COL25A1: variants seen among roughly 807,000 people sequenced by gnomAD.
The protein encoded by COL25A1 is collagen alpha-1(XXV) chain.
In COL25A1, 103 loss-of-function variants were observed where a neutral mutation model predicts 128.4. That is an observed-to-expected ratio of 0.80 (90% CI 0.68 to 0.94). COL25A1 has a LOEUF of 0.94. Ranked by LOEUF, COL25A1 falls within the 40% of genes least tolerant of loss-of-function variation. The probability of loss-of-function intolerance (pLI) is 0.00; values close to 1 mark genes in which losing one functional copy is unlikely to be tolerated. For synonymous variants in COL25A1, 279 were observed against 277.2 expected (o/e 1.01, Z -0.06); for missense variants, 745 against 840.0 (o/e 0.89, Z 1.40).
chr4:108,998,081 C>A (rs543564317), intron 6 of COL25A1, among the ~76,000 whole-genome samples: 4 of 152,314 alleles, frequency 2.6e-5, no homozygotes, highest in Admixed American at 1.3e-4. Flanking sequence ...AGAATGCCCC[C>A]TCTCACCATT....
intron 19 of COL25A1, among the ~76,000 whole-genome samples, chr4:108,877,074 C>G (rs908540408): frequency 3.3e-5 from 5 of 152,162 alleles, no homozygotes; most frequent in Admixed American, 1.3e-4. Context: ...GTAGGCCTGA[C>G]AGTAAACTGC....
chr4:109,268,781 C>T (rs1781966827), intron 3 of COL25A1, among the ~76,000 whole-genome samples: 1 of 152,114 alleles, frequency 6.6e-6, no homozygotes, highest in African/African-American at 2.4e-5. Flanking sequence ...GCTGGCTCAA[C>T]AGAAGAACAA....
intron 3 of COL25A1, among the ~76,000 whole-genome samples, chr4:109,127,674 A>G (rs2126063548): frequency 6.6e-6 from 1 of 152,140 alleles, no homozygotes; most frequent in South Asian, 2.1e-4. Flanking sequence ...GTAAAGGAGA[A>G]AAAAAAGAAG....
At chr4:109,134,683 C>T (rs997972718) in intron 3 of COL25A1, among the ~76,000 whole-genome samples, 7 of 151,910 alleles carry the variant, frequency 4.6e-5, no homozygotes, top group African/African-American at 1.2e-4. Flanking sequence ...CAGGAACCCA[C>T]GATTATTGTA....
intron 3 of COL25A1, among the ~76,000 whole-genome samples, chr4:109,218,966 T>C (rs1394906733): frequency 1.3e-5 from 2 of 152,080 alleles, no homozygotes; most frequent in Non-Finnish European, 2.9e-5. Context: ...GGACTTGAAA[T>C]GTGTAATGAG....
intron 3 of COL25A1, among the ~76,000 whole-genome samples, chr4:109,151,064 G>T (rs944213517): frequency 6.6e-6 from 1 of 151,950 alleles, no homozygotes; most frequent in Non-Finnish European, 1.5e-5. Flanking sequence ...CTTCAACTGC[G>T]TAAAAGTAAA....
At chr4:109,178,354 A>T (rs1479305139) in intron 3 of COL25A1, among the ~76,000 whole-genome samples, 1 of 152,218 alleles carries the variant, frequency 6.6e-6, no homozygotes, top group African/African-American at 2.4e-5. Context: ...TGGAGAGTTA[A>T]GAGAAAAATA....
intron 10 of COL25A1, among the ~76,000 whole-genome samples, chr4:108,938,976 G>C (rs1474698752): frequency 6.6e-6 from 1 of 152,192 alleles, no homozygotes; most frequent in African/African-American, 2.4e-5. Flanking sequence ...CCTATGTGTA[G>C]AAAGCTCCAT....
chr4:108,914,723 C>T (rs1396968156), intron 13 of COL25A1, among the ~76,000 whole-genome samples: 6 of 134,500 alleles, frequency 4.5e-5, no homozygotes, highest in African/African-American at 1.6e-4. Context: ...GTGGCATGAT[C>T]ACGGCTCACT....
At chr4:109,158,660 C>A (rs1772260506) in intron 3 of COL25A1, among the ~76,000 whole-genome samples, 1 of 152,182 alleles carries the variant, frequency 6.6e-6, no homozygotes, top group Non-Finnish European at 1.5e-5. Context: ...AAACGTGATT[C>A]ATGGATCTAG....
Position 108,897,894 on chromosome 4 carries a change from C to T in COL25A1, c.862-1183G>A, listed in dbSNP as rs552401567. 3.7e-4 allele frequency among the ~76,000 whole-genome samples: 56 copies of T among 152,268 alleles called. No individual in the cohort carries two copies. The South Asian group carries it at 0.01, about 28-fold the overall frequency. On this transcript the variant is annotated intron_variant, in intron 15 of 37. Coordinates refer to ENST00000399132, the MANE Select transcript of COL25A1 (RefSeq NM_198721.4). ...TTTGTTTATGGTGACAAATACACTG[C>T]GGCAGGCCACAAGAGCCTGGGACAC... is the stretch of plus-strand genomic sequence containing the variant.
At chr4:109,082,494 CA>C (rs1763929997) in intron 3 of COL25A1, among the ~76,000 whole-genome samples, 4 of 152,160 alleles carry the variant, frequency 2.6e-5, no homozygotes, top group Admixed American at 2.6e-4. Context: ...CGTCCTCATG[CA>C]TGTGAGGTAG....
At chr4:109,191,596 A>T (rs1007606703) in intron 3 of COL25A1, among the ~76,000 whole-genome samples, 1 of 152,216 alleles carries the variant, frequency 6.6e-6, no homozygotes, top group Non-Finnish European at 1.5e-5. Context: ...GGAGCTATAC[A>T]TTTTAGGTTA....
intron 3 of COL25A1, among the ~76,000 whole-genome samples, chr4:109,128,348 T>G (rs997438771): frequency 6.6e-6 from 1 of 152,206 alleles, no homozygotes; most frequent in Admixed American, 6.5e-5. Flanking sequence ...GAGCCAGAGC[T>G]AACATTCTTT....
rs1737141948 is a variant in COL25A1 at position 108,860,990 on chromosome 4, G to GA, written c.1198-20dup. ...GATCCCCCTTTTCCCGTTGGAAAGA[G>GA]AAAAAACTTAATCAGAAGTGGGGGA... On this transcript the variant is annotated intron_variant, in intron 22 of 37. Transcript: ENST00000399132. 1.2e-6 allele frequency: 2 copies of GA among 1,611,766 alleles called. No homozygotes were observed. Among genetic ancestry groups the GA allele is most frequent in the Non-Finnish European group, 8.5e-7 (1 of 1,178,092 alleles).
intron 3 of COL25A1, among the ~76,000 whole-genome samples, chr4:109,147,931 G>T (rs1038979234): frequency 1.3e-5 from 2 of 152,022 alleles, no homozygotes; most frequent in Non-Finnish European, 2.9e-5. Flanking sequence ...AGAATAAATT[G>T]TTTTTACCAT....
At chr4:109,028,462 C>T (rs1027205683) in intron 5 of COL25A1, among the ~76,000 whole-genome samples, 1 of 152,158 alleles carries the variant, frequency 6.6e-6, no homozygotes, top group Non-Finnish European at 1.5e-5. Context: ...CCCAGTGGCT[C>T]ATGTCTGTAA....
chr4:109,056,125 T>C (rs576003774), intron 3 of COL25A1, among the ~76,000 whole-genome samples: 13 of 152,268 alleles, frequency 8.5e-5, no homozygotes, highest in African/African-American at 3.1e-4. Flanking sequence ...TATACAGTAA[T>C]CATTTTAAAG....
At chr4:108,845,494 T>G (rs1734977591) in intron 28 of COL25A1, among the ~76,000 whole-genome samples, 1 of 152,208 alleles carries the variant, frequency 6.6e-6, no homozygotes, top group Non-Finnish European at 1.5e-5. Context: ...TGAGCTTGAT[T>G]GGTTAAAGAC....
Sources: allele counts gnomAD v4.1 joint callset (sites outside exome capture counted in the v4.1 genomes callset), GRCh38; gene constraint gnomAD v4.1.1; transcripts MANE v1.5; gene names NCBI Gene and HGNC (gene_info 2026-07-23, HGNC 2026-07-21).